The following PDS5B variants were observed in gnomAD, a reference collection of about 807,000 sequenced individuals.
PDS5B encodes the protein PDS5 cohesin associated factor B.
Under a neutral mutation model 184.1 loss-of-function variants are expected in PDS5B, and 51 were observed. That is an observed-to-expected ratio of 0.28 (90% confidence interval 0.22 to 0.35). PDS5B has a LOEUF of 0.35. Among genes scored for constraint, PDS5B ranks in the 10% least tolerant of loss-of-function variants. PDS5B has a pLI of 1.00. For missense variants in PDS5B, 1,180 were observed against 1,723.3 expected (o/e 0.68, Z 5.58); for synonymous variants, 566 against 569.2 (o/e 0.99, Z 0.08).
In PDS5B at chr13:32,745,934, A is replaced by T. The variant is rs1275180348; in HGVS notation, c.2613-43A>T. 3 of 1,498,214 alleles carry T rather than the reference A, an allele frequency of 2.0e-6. No individual in the cohort carries two copies. In the African/African-American group the frequency reaches 4.2e-5, roughly 21 times the overall value. 92.8% of individuals were successfully genotyped at this position (1,498,214 alleles called of 1,614,324 possible). On this transcript the variant is annotated intron_variant, in intron 23 of 34. Coordinates refer to ENST00000315596, the MANE Select transcript of PDS5B (RefSeq NM_015032.4). ...TAGATGTACAGAAGATTTTGTACAA[A>T]TATTTTAAATGCTAATCTATATTCA...
At position 32,688,533 on chromosome 13, in the gene PDS5B, A is replaced by T; in HGVS notation, c.1433A>T (p.Tyr478Phe). 6.2e-7 allele frequency: 1 copy of T among 1,601,762 alleles called. No individual in the cohort carries two copies. Among genetic ancestry groups the T allele is most frequent in the Non-Finnish European group, 8.6e-7 (1 of 1,168,948 alleles). Reference protein sequence around the residue: ...LETTERMKCLYYLYATLDLNA... With the variant: ...LETTERMKCLFYLYATLDLNA... ...ACTACAGAACGGATGAAATGCTTAT[A>T]TTACTTGTATGCCACACTGGATTTA... The change falls in exon 13 of 35, where the codon TAT (tyrosine) becomes TTT (phenylalanine). Residue 478 changes from tyrosine (Y) to phenylalanine (F), a missense_variant. By Grantham distance (22) the Tyr-to-Phe change is conservative (BLOSUM62 3). This residue lies in a region of PDS5B where 475 missense variants were observed against 691.5 expected (regional missense o/e 0.69). Transcript: ENST00000315596.
At chr13:32,758,383 A>T in intron 27 of PDS5B, 151 bp from the exon 28 acceptor site, 1 of 926,790 alleles carries the variant, frequency 1.1e-6, no homozygotes, top group Non-Finnish European at 1.6e-6. Flanking sequence ...TAAATGAGCA[A>T]AACCAGTAGT....
intron 1 of PDS5B, among the ~76,000 whole-genome samples, chr13:32,618,884 G>A (rs765842283): frequency 1.3e-5 from 2 of 152,060 alleles, no homozygotes; most frequent in Non-Finnish European, 2.9e-5. Context: ...CATATGGATA[G>A]TTGTCACAAC....
At chr13:32,732,585 G>T (rs533526487) in intron 20 of PDS5B, among the ~76,000 whole-genome samples, 1 of 152,198 alleles carries the variant, frequency 6.6e-6, no homozygotes, top group South Asian at 2.1e-4. Flanking sequence ...TTCTGTTTGA[G>T]AAACTATTGA....
At chr13:32,615,804 T>A (rs564819891) in intron 1 of PDS5B, among the ~76,000 whole-genome samples, 33 of 152,314 alleles carry the variant, frequency 2.2e-4, no homozygotes, top group Non-Finnish European at 4.3e-4. Context: ...AAAGTACATA[T>A]AAGTAACTTA....
chr13:32,685,011 G>A (rs1466648689), intron 11 of PDS5B, among the ~76,000 whole-genome samples: 1 of 152,194 alleles, frequency 6.6e-6, no homozygotes, highest in Non-Finnish European at 1.5e-5. Flanking sequence ...TACTCGGGAG[G>A]CTGAGGCAGG....
At position 32,631,767 on chromosome 13, in the gene PDS5B, A is replaced by G. The variant is rs73451445; in HGVS notation, c.-19-16987A>G. 2.9e-3 allele frequency among the ~76,000 whole-genome samples: 434 copies of G among 152,168 alleles called. 4 individuals carry two copies. Among genetic ancestry groups the G allele is most frequent in the African/African-American group, 9.6e-3 (397 of 41,522 alleles). On this transcript the variant is annotated intron_variant, in intron 1 of 34. Transcript: ENST00000315596. Reference sequence around the variant, plus strand: ...TGAAGGCAAAGCCAGGATTTAAGGGAAAAAAAAGTTCTTTGGCTTCTTTAC... The same window carrying G: ...TGAAGGCAAAGCCAGGATTTAAGGGGAAAAAAAGTTCTTTGGCTTCTTTAC...
chr13:32,760,872 T>C lies in PDS5B; in HGVS notation c.3518+152T>C, dbSNP rs1194844575. On this transcript the variant is annotated intron_variant, in intron 30 of 34. Coordinates refer to ENST00000315596, the MANE Select transcript of PDS5B (RefSeq NM_015032.4). Reference sequence around the variant, plus strand: ...TTTAACATTGGTAGTCACAAGTTCATACTTATTTGCTTGCTCATTTTGGAT... The same window carrying C: ...TTTAACATTGGTAGTCACAAGTTCACACTTATTTGCTTGCTCATTTTGGAT... 5.3e-6 allele frequency: 4 copies of C among 756,254 alleles called. No individual in the cohort carries two copies. In the South Asian group the frequency reaches 5.8e-5, roughly 11 times the overall value. The allele number at this position is 756,254 out of a possible 1,614,324, so 46.8% of individuals were successfully genotyped here.
At chr13:32,620,300 A>G (rs578010563) in intron 1 of PDS5B, among the ~76,000 whole-genome samples, 2 of 152,234 alleles carry the variant, frequency 1.3e-5, no homozygotes, top group Admixed American at 6.5e-5. Context: ...TTTCTTTCCA[A>G]TCCTTATGTT....
intron 19 of PDS5B, among the ~76,000 whole-genome samples, chr13:32,719,911 C>T (rs1245285048): frequency 6.6e-6 from 1 of 151,932 alleles, no homozygotes; most frequent in Non-Finnish European, 1.5e-5. Context: ...GTGTCTCAGC[C>T]ACCCAAATAG....
chr13:32,675,076 C>T (rs1317426736), intron 8 of PDS5B, among the ~76,000 whole-genome samples: 1 of 151,934 alleles, frequency 6.6e-6, no homozygotes, highest in Non-Finnish European at 1.5e-5. Flanking sequence ...CTTGGCATGG[C>T]AGGTTGTGGC....
chr13:32,691,390 T>G (rs2140838496), intron 13 of PDS5B: 1 of 152,252 alleles, frequency 6.6e-6, no homozygotes, highest in Admixed American at 6.5e-5. Flanking sequence ...ATGATCTTAT[T>G]CCATTATTTT....
intron 10 of PDS5B, among the ~76,000 whole-genome samples, chr13:32,680,184 G>C (rs1186487307): frequency 2.0e-5 from 3 of 151,984 alleles, no homozygotes; most frequent in Non-Finnish European, 4.4e-5. Flanking sequence ...TTAAGAGTGG[G>C]GGGGCTAAAT....
intron 1 of PDS5B, among the ~76,000 whole-genome samples, chr13:32,610,205 A>T (rs551126381): frequency 1.3e-5 from 2 of 152,204 alleles, no homozygotes; most frequent in African/African-American, 4.8e-5. Context: ...ATACAAATCA[A>T]TGTAGGTACG....
chr13:32,770,749 CAA>C lies in PDS5B; in HGVS notation c.4168_4169del (p.Asn1390CysfsTer12). The C allele has an allele frequency of 1.3e-6, 2 of 1,566,554 alleles. No individual in the cohort carries two copies. The highest frequency in any genetic ancestry group is 1.7e-6 in the Non-Finnish European group (2 of 1,151,148). The stretch of plus-strand genomic sequence containing the variant: ...TCAAAAACGCCATCACCATCACAAC[CAA>C]AAAAAAATGTGTAAGTTGTAAATAT... On this transcript the variant is annotated frameshift_variant, in exon 33 of 35. Transcript: ENST00000315596. LOFTEE classifies it high-confidence loss of function.
chr13:32,770,731 C>T lies in PDS5B; in HGVS notation c.4142C>T (p.Thr1381Met), dbSNP rs930374554. The T allele has an allele frequency of 1.9e-5, 31 of 1,608,952 alleles. No individual in the cohort carries two copies. The highest frequency in any genetic ancestry group is 2.3e-5 in the Non-Finnish European group (27 of 1,177,544). Residue 1381 changes from threonine to methionine, a missense_variant, in exon 33 of 35, where the codon ACG (threonine) becomes ATG (methionine). Transcript: ENST00000315596. ...AAAGGACGAGGAAGACCATCAAAAA[C>T]GCCATCACCATCACAACCAAAAAAA... is the stretch of plus-strand genomic sequence containing the variant. ...PQKGRGRPSK[T>M]PSPSQPKKNV...
At position 32,652,292 on chromosome 13, in the gene PDS5B, T is replaced by A. The variant is rs143917052; in HGVS notation, c.312+285T>A. The A allele has an allele frequency of 4.2e-3, 1,141 of 273,028 alleles. 12 individuals are homozygous for A. The highest frequency in any genetic ancestry group is 0.024 in the African/African-American group (1,071 of 45,444). 16.9% of individuals were successfully genotyped at this position (273,028 alleles called of 1,614,324 possible). Reference sequence around the variant, plus strand: ...AATTTTGGGGGCAATTCCTTTTCACTTTTGAAAATCCATATTGAAGACCAT... The same window carrying A: ...AATTTTGGGGGCAATTCCTTTTCACATTTGAAAATCCATATTGAAGACCAT... On this transcript the variant is annotated intron_variant, in intron 3 of 34. Transcript: ENST00000315596.
chr13:32,670,667 C>T (rs879410872), intron 7 of PDS5B, among the ~76,000 whole-genome samples: 13 of 152,214 alleles, frequency 8.5e-5, no homozygotes, highest in Middle Eastern at 3.4e-3. Context: ...ATTTCCTACA[C>T]GCATCACTTC....
intron 1 of PDS5B, among the ~76,000 whole-genome samples, chr13:32,609,265 A>G (rs541496546): frequency 6.6e-6 from 1 of 152,324 alleles, no homozygotes; most frequent in South Asian, 2.1e-4. Flanking sequence ...TATTTAATTT[A>G]GATACTGAAA....
Sources: allele counts gnomAD v4.1 joint callset (sites outside exome capture counted in the v4.1 genomes callset), GRCh38; gene constraint gnomAD v4.1.1; regional missense constraint gnomAD v4.1.1; transcripts MANE v1.5; gene names NCBI Gene and HGNC (gene_info 2026-07-23, HGNC 2026-07-21).